The following GPR22 variants were observed in gnomAD, a reference collection of about 807,000 sequenced individuals.
GPR22 encodes the protein G-protein coupled receptor 22.
GPR22 carries 13 observed loss-of-function variants against 31.0 expected under a neutral mutation model. That is an observed-to-expected ratio of 0.42 (90% CI 0.27 to 0.67). The LOEUF (loss-of-function observed/expected upper bound fraction) is 0.67, where lower values mean the gene tolerates loss of function less well. Among genes scored for constraint, GPR22 ranks in the 30% least tolerant of loss-of-function variants. GPR22 has a pLI of 0.25. For synonymous variants in GPR22, 191 were observed against 173.4 expected (o/e 1.10, Z -0.80); for missense variants, 368 against 509.6 (o/e 0.72, Z 2.67).
In GPR22 at chr7:107,475,227, A is replaced by G. The variant is rs1266001880; in HGVS notation, c.1167A>G (p.Ile389Met). The G allele has an allele frequency of 6.2e-7, 1 of 1,610,914 alleles. No individual in the cohort carries two copies. Among genetic ancestry groups the G allele is most frequent in the Non-Finnish European group, 8.5e-7 (1 of 1,177,628 alleles). Residue 389 changes from isoleucine (I) to methionine (M), a missense_variant, in exon 3 of 3, where the codon ATA (isoleucine) becomes ATG (methionine). By Grantham distance (10) the Ile-to-Met change is conservative (BLOSUM62 1). Transcript: ENST00000304402. Reference sequence around the variant, plus strand: ...AAATGAAAAAGCGAGTTGTTTCTATAGTAGAAGCTGATCCCCTGCCTAATA... The same window carrying G: ...AAATGAAAAAGCGAGTTGTTTCTATGGTAGAAGCTGATCCCCTGCCTAATA... ...KSKMKKRVVS[I>M]VEADPLPNNA... is the part of the protein sequence containing the mutation.
At chr7:107,476,481 T>C (rs929206613), downstream of GPR22, among the ~76,000 whole-genome samples, 5 of 151,616 alleles carry the variant, frequency 3.3e-5, no homozygotes, top group African/African-American at 1.2e-4. Flanking sequence ...CAATAAGTCT[T>C]GTCACTTTTC....
downstream of GPR22, among the ~76,000 whole-genome samples, chr7:107,476,208 G>A (rs1156830442): frequency 0.1 from 6,504 of 64,684 alleles, 8 homozygotes; most frequent in African/African-American, 0.13. Flanking sequence ...AAAAAAAAAA[G>A]AACAGTACAT....
rs1488801895 is a variant in GPR22 at position 107,470,134 on chromosome 7, ATGT to A, written c.-1265_-1263del. The A allele has an allele frequency of 2.0e-5, 3 of 152,150 alleles. No homozygotes were observed. The highest frequency in any genetic ancestry group is 4.4e-5 in the Non-Finnish European group (3 of 68,030). The allele number at this position is 152,150 out of a possible 1,614,324, so 9.4% of individuals were successfully genotyped here. ...TCCTTTTTAGAAAGACTGAATCTAA[ATGT>A]TGTCTCTGGAGACAAGAAGCCTTCA... is the stretch of plus-strand genomic sequence containing the variant. On this transcript the variant is annotated 5_prime_UTR_variant, in exon 1 of 3. Transcript: ENST00000304402.
In GPR22 at chr7:107,473,338, T is replaced by C. The variant is rs1397177427; in HGVS notation, c.-26-697T>C. On this transcript the variant is annotated intron_variant, in intron 2 of 2. Coordinates refer to ENST00000304402, the MANE Select transcript of GPR22 (RefSeq NM_005295.3). The stretch of plus-strand genomic sequence containing the variant: ...GCTCTTTTACCAAGCTTTGTAGCTT[T>C]TTATTTTAGCATAATGTCCCACTTC... Among the ~76,000 whole-genome samples the C allele has an allele frequency of 2.6e-5, 4 of 151,960 alleles. No homozygotes were observed. The East Asian group carries it at 7.7e-4, about 29-fold the overall frequency.
chr7:107,473,940 G>T (rs2129111738), intron 2 of GPR22, 95 bp from the exon 3 acceptor site: 2 of 469,124 alleles, frequency 4.3e-6, no homozygotes, highest in South Asian at 3.7e-5. Context: ...ATTAAACTAA[G>T]TACACAATTG....
Position 107,475,380 on chromosome 7 carries a change from A to G in GPR22, c.*18A>G, listed in dbSNP as rs1344552328. ...CAGACTAGAGAAAAGTCTCAGTTTC[A>G]CCAAATCCACATTCAAATGAGTTTT... On this transcript the variant is annotated 3_prime_UTR_variant, in exon 3 of 3. Transcript: ENST00000304402. 4.4e-6 allele frequency: 5 copies of G among 1,129,340 alleles called. No homozygotes were observed. The highest frequency in any genetic ancestry group is 6.3e-6 in the Non-Finnish European group (5 of 797,538). The allele number at this position is 1,129,340 out of a possible 1,614,324, so 70.0% of individuals were successfully genotyped here.
In GPR22 at chr7:107,474,577, C is replaced by T. The variant is rs775195969; in HGVS notation, c.517C>T (p.Leu173=). 5.0e-6 allele frequency: 8 copies of T among 1,610,388 alleles called. No individual in the cohort carries two copies. The highest frequency in any genetic ancestry group is 4.0e-5 in the African/African-American group (3 of 74,632). The part of the protein sequence containing the change: ...SIWIFSFFSF[L]IPFIEVNFFS... ...TTGGATTTTTTCTTTTTTCTCTTTC[C>T]TGATTCCTTTTATTGAGGTAAATTT... Residue 173 remains leucine, a synonymous_variant, in exon 3 of 3, where the codon CTG becomes TTG. Coordinates refer to ENST00000304402, the MANE Select transcript of GPR22 (RefSeq NM_005295.3). The surrounding 1 kb of genome is among the most constrained non-coding windows in gnomAD (Gnocchi z 5.7).
At chr7:107,472,594 A>C (rs1796702056) in intron 2 of GPR22, 1 of 151,934 alleles carries the variant, frequency 6.6e-6, no homozygotes, top group South Asian at 2.1e-4. Flanking sequence ...CACACTTAAA[A>C]TTTTCCATTT....
At position 107,475,127 on chromosome 7, in the gene GPR22, C is replaced by T; in HGVS notation, c.1067C>T (p.Ala356Val). 1 of 1,610,120 alleles carries T rather than the reference C, an allele frequency of 6.2e-7. No homozygotes were observed. The highest frequency in any genetic ancestry group is 8.5e-7 in the Non-Finnish European group (1 of 1,177,208). Residue 356 changes from alanine to valine, a missense_variant, in exon 3 of 3, where the codon GCT becomes GTT. Physicochemically the swap from Ala to Val is moderately conservative, Grantham distance 64. Transcript: ENST00000304402. ...VKLRLCFLVMAYGTTIFHPLL... is the reference protein window; with the variant it reads ...VKLRLCFLVMVYGTTIFHPLL... ...TTAAGATTGTGTTTTTTAGTCATGG[C>T]TTATGGAACAACTATATTTCACCCT...
chr7:107,476,188 A>AAAAAAAAAAAAAAAG, downstream of GPR22, among the ~76,000 whole-genome samples: 1 of 93,440 alleles, frequency 1.1e-5, no homozygotes, highest in South Asian at 3.1e-4. Context: ...TGATTTTAAA[A>AAAAAAAAAAAAAAAG]AAAAAAAAAA....
intron 1 of GPR22, among the ~76,000 whole-genome samples, chr7:107,470,928 C>A (rs17403088): frequency 0.12 from 18,914 of 151,786 alleles, 1,479 homozygotes; most frequent in Non-Finnish European, 0.17. Flanking sequence ...CTTATGAAAT[C>A]TGTTTTAATG....
At chr7:107,476,581 A>T (rs1300491554), downstream of GPR22, among the ~76,000 whole-genome samples, 1 of 151,672 alleles carries the variant, frequency 6.6e-6, no homozygotes, top group Admixed American at 6.6e-5. Context: ...AACCCTAACT[A>T]CAGATTACAA....
intron 2 of GPR22, chr7:107,472,590 T>G (rs555694697): frequency 6.6e-6 from 1 of 152,098 alleles, no homozygotes; most frequent in African/African-American, 2.4e-5. Flanking sequence ...TTGGCACACT[T>G]AAAATTTTCC....
In GPR22 at chr7:107,474,789, C is replaced by G. The variant is rs921573129; in HGVS notation, c.729C>G (p.Gly243=). The G allele has an allele frequency of 6.2e-7, 1 of 1,611,744 alleles. No individual in the cohort carries two copies. The highest frequency in any genetic ancestry group is 1.3e-5 in the African/African-American group (1 of 74,772). The part of the protein sequence containing the change: ...KILQALNIRI[G]TRFSTGQKKK... Reference sequence around the variant, plus strand: ...TTCAGGCTCTTAATATTCGAATAGGCACAAGATTTTCAACAGGGCAGAAGA... The same window carrying G: ...TTCAGGCTCTTAATATTCGAATAGGGACAAGATTTTCAACAGGGCAGAAGA... Residue 243 remains glycine, a synonymous_variant, in exon 3 of 3, where the codon GGC becomes GGG. Transcript: ENST00000304402. This position sits in a 1 kb window ranked among gnomAD's most constrained non-coding sequence, Gnocchi z 5.7.
At chr7:107,473,743 T>C (rs1445522474) in intron 2 of GPR22, among the ~76,000 whole-genome samples, 1 of 151,980 alleles carries the variant, frequency 6.6e-6, no homozygotes, top group Non-Finnish European at 1.5e-5. Context: ...ATACACTTTA[T>C]CTCAAATAAT....
At chr7:107,476,184 TAAAAAAAAA>T (rs34741713), downstream of GPR22, among the ~76,000 whole-genome samples, 2 of 44,072 alleles carry the variant, frequency 4.5e-5, no homozygotes, top group East Asian at 7.0e-4. Context: ...GCAATGATTT[TAAAAAAAAA>T]AAAAAAAAAA....
downstream of GPR22, among the ~76,000 whole-genome samples, chr7:107,477,695 A>G (rs1797074304): frequency 6.6e-6 from 1 of 151,868 alleles, no homozygotes; most frequent in African/African-American, 2.4e-5. Flanking sequence ...TAAGTAGTAT[A>G]TAATATGTAA....
chr7:107,474,055 A>G lies in GPR22; in HGVS notation c.-6A>G. The G allele has an allele frequency of 6.7e-7, 1 of 1,502,746 alleles. No homozygotes were observed. The highest frequency in any genetic ancestry group is 9.0e-7 in the Non-Finnish European group (1 of 1,106,814). 93.1% of individuals were successfully genotyped at this position (1,502,746 alleles called of 1,614,324 possible). A position where few individuals can be genotyped will look rare whatever the true frequency, so the allele number is the denominator to read the frequency against. On this transcript the variant is annotated 5_prime_UTR_variant, in exon 3 of 3. Transcript: ENST00000304402. This position sits in a 1 kb window ranked among gnomAD's most constrained non-coding sequence, Gnocchi z 5.7. ...TCTAGGGAAAAAAACCAACTGCTCC[A>G]AAAGAATGTGTTTTTCTCCCATTCT...
chr7:107,476,184 T>TAAAA (rs34741713), downstream of GPR22, among the ~76,000 whole-genome samples: 4 of 44,054 alleles, frequency 9.1e-5, no homozygotes, highest in African/African-American at 2.0e-4. Context: ...GCAATGATTT[T>TAAAA]AAAAAAAAAA....
Sources: allele counts gnomAD v4.1 joint callset (sites outside exome capture counted in the v4.1 genomes callset), GRCh38; gene constraint gnomAD v4.1.1; non-coding constraint Gnocchi (gnomAD v3.1); transcripts MANE v1.5; gene names NCBI Gene and HGNC (gene_info 2026-07-23, HGNC 2026-07-21).